The following SNAP47 variants were observed in gnomAD, a reference collection of about 807,000 sequenced individuals.
The protein encoded by SNAP47 is synaptosome associated protein 47, also known as synaptosomal-associated protein 47.
A neutral mutation model predicts 31.4 loss-of-function variants in SNAP47; 20 were observed. The observed-to-expected ratio is 0.64, with a 90% CI of 0.45 to 0.93. The LOEUF (loss-of-function observed/expected upper bound fraction) is 0.93. SNAP47 is among the 40% of genes least tolerant of loss of function. The pLI is 0.00. For missense variants in SNAP47, 492 were observed against 528.5 expected (o/e 0.93, Z 0.68); for synonymous variants, 194 against 213.4 (o/e 0.91, Z 0.79).
In SNAP47 at chr1:227,759,280, C is replaced by T; in HGVS notation, c.783C>T (p.His261=). 1.2e-6 allele frequency: 2 copies of T among 1,614,246 alleles called. No individual in the cohort carries two copies. Among genetic ancestry groups the T allele is most frequent in the East Asian group, 2.2e-5 (1 of 44,890 alleles). The change falls in exon 3 of 5, where the codon CAC becomes CAT. Residue 261 remains histidine (H), a synonymous_variant. Coordinates refer to ENST00000617596, the MANE Select transcript of SNAP47 (RefSeq NM_053052.4). The part of the protein sequence containing the change: ...EREDVDDIKV[H]SPYEISIRQR... ...AAGACGTGGACGACATCAAGGTCCA[C>T]TCACCTTACGAAATTAGCATCCGCC...
intron 4 of SNAP47, among the ~76,000 whole-genome samples, chr1:227,772,582 T>C (rs1349569572): frequency 6.6e-6 from 1 of 152,180 alleles, no homozygotes; most frequent in Middle Eastern, 3.2e-3. Flanking sequence ...GAGGCCCTGC[T>C]CTCAAGTCTT....
At position 227,759,265 on chromosome 1, in the gene SNAP47, C is replaced by T. The variant is rs775400322; in HGVS notation, c.768C>T (p.Asp256=). The change falls in exon 3 of 5, where the codon GAC becomes GAT. Residue 256 remains aspartate (D), a synonymous_variant. Coordinates refer to ENST00000617596, the MANE Select transcript of SNAP47 (RefSeq NM_053052.4). The part of the protein sequence containing the change: ...LMHRFEREDV[D]DIKVHSPYEI... ...ACAGGTTTGAAAGAGAAGACGTGGA[C>T]GACATCAAGGTCCACTCACCTTACG... 30 of 1,614,068 alleles carry T rather than the reference C, an allele frequency of 1.9e-5. No individual in the cohort carries two copies. Among genetic ancestry groups the T allele is most frequent in the African/African-American group, 6.7e-5 (5 of 74,926 alleles).
intron 2 of SNAP47, among the ~76,000 whole-genome samples, chr1:227,756,296 G>A (rs971328628): frequency 6.6e-6 from 1 of 152,222 alleles, no homozygotes. Flanking sequence ...TGAGCAGTGC[G>A]TCTCTCATCT....
chr1:227,767,065 T>A lies in SNAP47; in HGVS notation c.1095T>A (p.Asp365Glu). The A allele has an allele frequency of 6.2e-7, 1 of 1,614,122 alleles. No individual in the cohort carries two copies. The highest frequency in any genetic ancestry group is 8.5e-7 in the Non-Finnish European group (1 of 1,180,014). ...GCCTGCCAGCCCTTTCTGAGGCAGA[T>A]ACCCAGGAACTAACCCAGGTAAGAT... ...QTSLPALSEA[D>E]TQELTQILRR... The change falls in exon 4 of 5, where the codon GAT (aspartate) becomes GAA (glutamate). Residue 365 changes from aspartate to glutamate, a missense_variant. Transcript: ENST00000617596.
intron 3 of SNAP47, among the ~76,000 whole-genome samples, chr1:227,761,650 C>G (rs1237823554): frequency 6.6e-6 from 1 of 152,172 alleles, no homozygotes; most frequent in Non-Finnish European, 1.5e-5. Context: ...CGTACTCCTG[C>G]ACGTGGCTTC....
At chr1:227,732,625 G>A (rs748535024), upstream of SNAP47, 37 of 1,613,372 alleles carry the variant, frequency 2.3e-5, no homozygotes, top group Non-Finnish European at 2.8e-5. Flanking sequence ...ATGACCTTGA[G>A]GAAGTGGTAA....
chr1:227,728,325 A>G (rs955103793), upstream of SNAP47, among the ~76,000 whole-genome samples: 5 of 151,106 alleles, frequency 3.3e-5, no homozygotes, highest in African/African-American at 1.2e-4. Context: ...CTGGGGCTGC[A>G]GGGCCGGTGC....
At chr1:227,770,021 C>T (rs1572044446) in intron 4 of SNAP47, among the ~76,000 whole-genome samples, 1 of 152,246 alleles carries the variant, frequency 6.6e-6, no homozygotes, top group East Asian at 1.9e-4. Flanking sequence ...TCGCTGGTGC[C>T]TGATGGTGGG....
chr1:227,748,078 C>A lies in SNAP47; in HGVS notation c.342C>A (p.Val114=), dbSNP rs951025699. Residue 114 remains valine (V), a synonymous_variant, in exon 2 of 5, where the codon GTC becomes GTA. Transcript: ENST00000617596. ...SQPGAVADAS[V]PRTRGEELTG... ...CTGGAGCCGTGGCAGACGCATCTGT[C>A]CCAAGGACCCGGGGCGAGGAGCTGA... 3.7e-6 allele frequency: 6 copies of A among 1,614,024 alleles called. No homozygotes were observed. The African/African-American group carries it at 8.0e-5, about 22-fold the overall frequency.
chr1:227,766,788 C>A (rs757313293), intron 3 of SNAP47, among the ~76,000 whole-genome samples, 171 bp from the exon 4 acceptor site: 12 of 152,240 alleles, frequency 7.9e-5, no homozygotes, highest in Non-Finnish European at 2.9e-5. Context: ...AGACCCTAAT[C>A]CTTCGGGGCC....
chr1:227,772,473 A>G (rs1378174470), intron 4 of SNAP47, among the ~76,000 whole-genome samples: 3 of 151,620 alleles, frequency 2.0e-5, no homozygotes, highest in African/African-American at 7.3e-5. Flanking sequence ...TTCAGGGCCC[A>G]TGCACTGAAA....
intron 4 of SNAP47, among the ~76,000 whole-genome samples, chr1:227,778,742 C>T (rs573115762): frequency 3.3e-5 from 5 of 152,164 alleles, no homozygotes; most frequent in Non-Finnish European, 5.9e-5. Flanking sequence ...ATGGGCCAGG[C>T]GGTGGAAAAG....
intron 1 of SNAP47, among the ~76,000 whole-genome samples, chr1:227,738,799 A>G (rs1313259776): frequency 6.6e-6 from 1 of 152,182 alleles, no homozygotes; most frequent in Non-Finnish European, 1.5e-5. Flanking sequence ...GGAAACTGAA[A>G]TTCAGGTGGG....
At chr1:227,748,741 A>G (rs1014035291) in intron 2 of SNAP47, among the ~76,000 whole-genome samples, 3 of 152,214 alleles carry the variant, frequency 2.0e-5, no homozygotes, top group Non-Finnish European at 2.9e-5. Flanking sequence ...CTGAGGTCAC[A>G]GAGGGTGGAG....
rs35667567 is a variant in SNAP47, at chr1:227,741,557, G to A, written c.-46+6058G>A. ...TGTGTAGTGGTGACGGAGACCATGC[G>A]TGGTCCTTCACGGAGAGTGCAGTGC... On this transcript the variant is annotated intron_variant, in intron 1 of 4. Transcript: ENST00000617596. The surrounding 1 kb of genome is among the most constrained non-coding windows in gnomAD (Gnocchi z 4.2). 2.1e-3 allele frequency among the ~76,000 whole-genome samples: 315 copies of A among 152,350 alleles called. No homozygotes were observed. Among genetic ancestry groups the A allele is most frequent in the Non-Finnish European group, 3.7e-3 (252 of 68,036 alleles).
intron 1 of SNAP47, chr1:227,746,616 G>A (rs762990004): frequency 1.3e-5 from 2 of 152,184 alleles, no homozygotes; most frequent in Non-Finnish European, 2.9e-5. Flanking sequence ...AGATAATTTG[G>A]CACATAGCAG....
Position 227,742,934 on chromosome 1 carries a change from T to C in SNAP47, c.-45-4758T>C, listed in dbSNP as rs551882122. ...TGCTGTGGCAGAACGGCATCATGGG[T>C]CCTGTGTGTGGCCTGCCGACCCTCG... On this transcript the variant is annotated intron_variant, in intron 1 of 4. Coordinates refer to ENST00000617596, the MANE Select transcript of SNAP47 (RefSeq NM_053052.4). 3.9e-5 allele frequency among the ~76,000 whole-genome samples: 6 copies of C among 152,274 alleles called. 2 individuals are homozygous for C. The highest frequency in any genetic ancestry group is 1.4e-4 in the African/African-American group (6 of 41,556).
At chr1:227,764,033 C>T (rs574562833) in intron 3 of SNAP47, among the ~76,000 whole-genome samples, 17 of 152,336 alleles carry the variant, frequency 1.1e-4, no homozygotes, top group Admixed American at 6.5e-4. Flanking sequence ...TGGCTTCCTG[C>T]ACCCCCAGGC....
At position 227,762,827 on chromosome 1, in the gene SNAP47, G is replaced by A. The variant is rs1663150596; in HGVS notation, c.988+3342G>A. On this transcript the variant is annotated intron_variant, in intron 3 of 4. Transcript: ENST00000617596. The surrounding 1 kb of genome is among the most constrained non-coding windows in gnomAD (Gnocchi z 4.2). ...CCTTCTGGAGGCTGGGCCAGGGCTT[G>A]CACAGCAGCCTCTGTCTCAGATTTT... Among the ~76,000 whole-genome samples the A allele has an allele frequency of 6.6e-6, 1 of 152,250 alleles. No homozygotes were observed. Among genetic ancestry groups the A allele is most frequent in the South Asian group, 2.1e-4 (1 of 4,836 alleles).
Sources: gnomAD v4.1 joint callset for allele counts (sites outside exome capture counted in the v4.1 genomes callset) on GRCh38, gnomAD v4.1.1 for gene constraint, Gnocchi (gnomAD v3.1) non-coding constraint, MANE v1.5 for transcripts, NCBI Gene and HGNC (gene_info 2026-07-23, HGNC 2026-07-21) for gene names.